Variants in MCCC2 observed in about 807,000 individuals in gnomAD.
The protein encoded by MCCC2 is methylcrotonyl-CoA carboxylase subunit 2, also known as methylcrotonoyl-CoA carboxylase beta chain, mitochondrial.
Under a neutral mutation model 77.2 loss-of-function variants are expected in MCCC2, and 52 were observed. The observed-to-expected ratio is 0.67, with a 90% CI of 0.54 to 0.85. MCCC2 has a LOEUF of 0.85. MCCC2 is among the 40% of genes least tolerant of loss of function. MCCC2 has a pLI of 0.00. For missense variants in MCCC2, 682 were observed against 703.2 expected (o/e 0.97, Z 0.34); for synonymous variants, 253 against 248.4 (o/e 1.02, Z -0.18).
At chr5:71,621,052 C>T (rs759875448) in intron 6 of MCCC2, among the ~76,000 whole-genome samples, 27 of 152,182 alleles carry the variant, frequency 1.8e-4, no homozygotes, top group Non-Finnish European at 3.7e-4. Flanking sequence ...GCCTCTGAGT[C>T]TGGTCAGAAA....
intron 3 of MCCC2, 30 bp from the exon 4 acceptor site, chr5:71,599,629 A>T: frequency 6.4e-7 from 1 of 1,552,398 alleles, no homozygotes; most frequent in Non-Finnish European, 8.9e-7. Flanking sequence ...TAATGACATT[A>T]ATTCAAACAA....
rs1561841267 is a variant in MCCC2, at chr5:71,633,108, TATATATATATA to T, written c.803+924_803+934del. Among the ~76,000 whole-genome samples, 9 of 22,252 alleles carry T rather than the reference TATATATATATA, an allele frequency of 4.0e-4. No individual in the cohort carries two copies. In the East Asian group the frequency reaches 8.0e-3, roughly 20 times the overall value. 14.6% of individuals were successfully genotyped at this position (22,252 alleles called of 152,430 possible). On this transcript the variant is annotated intron_variant, in intron 8 of 16. Coordinates refer to ENST00000340941, the MANE Select transcript of MCCC2 (RefSeq NM_022132.5). The stretch of plus-strand genomic sequence containing the variant: ...TTTCAGTTTTATATATATATATATA[TATATATATATA>T]TATATATATATATTTTTATTTTTTG...
At position 71,634,903 on chromosome 5, in the gene MCCC2, T is replaced by C. The variant is rs769722652; in HGVS notation, c.804-40T>C. 25 of 1,565,374 alleles carry C rather than the reference T, an allele frequency of 1.6e-5. No homozygotes were observed. The African/African-American group carries it at 3.0e-4, about 19-fold the overall frequency. ...GACCTGAGATATTTAATTATTTTCCTTTTCCCTGTTCTGACAAGTTTAGTT... is the reference window on the plus strand; with the variant it reads ...GACCTGAGATATTTAATTATTTTCCCTTTCCCTGTTCTGACAAGTTTAGTT... On this transcript the variant is annotated intron_variant, in intron 8 of 16. Coordinates refer to ENST00000340941, the MANE Select transcript of MCCC2 (RefSeq NM_022132.5).
intron 8 of MCCC2, among the ~76,000 whole-genome samples, chr5:71,634,578 T>C (rs956310354): frequency 6.6e-6 from 1 of 152,206 alleles, no homozygotes; most frequent in Non-Finnish European, 1.5e-5. Context: ...CAATTCTGCT[T>C]ACGGTACAGG....
chr5:71,645,885 G>A (rs1747260298), intron 12 of MCCC2, among the ~76,000 whole-genome samples: 1 of 151,972 alleles, frequency 6.6e-6, no homozygotes. Context: ...CTTTCTATAA[G>A]GTAAGACTAG....
At chr5:71,653,396 A>G (rs1329134948) in intron 16 of MCCC2, among the ~76,000 whole-genome samples, 1 of 149,552 alleles carries the variant, frequency 6.7e-6, no homozygotes, top group Non-Finnish European at 1.5e-5. Flanking sequence ...TTCTTCAACA[A>G]CTTTAGTGTT....
At position 71,656,639 on chromosome 5, in the gene MCCC2, A is replaced by T. The variant is rs567836008; in HGVS notation, c.1575-104A>T. 11 of 859,390 alleles carry T rather than the reference A, an allele frequency of 1.3e-5. No individual in the cohort carries two copies. The South Asian group carries it at 1.5e-4, about 11-fold the overall frequency. 53.2% of individuals were successfully genotyped at this position (859,390 alleles called of 1,614,324 possible). ...TACATGGATGCTAATCAGTAGATCC[A>T]TATATTACCTGAAGGAAAACTTCCT... On this transcript the variant is annotated intron_variant, in intron 16 of 16. Transcript: ENST00000340941.
At chr5:71,596,121 G>A (rs1745176727) in intron 2 of MCCC2, 159 bp from the exon 3 acceptor site, 6 of 670,738 alleles carry the variant, frequency 8.9e-6, no homozygotes, top group Non-Finnish European at 1.6e-5. Context: ...TCAGAAAATT[G>A]GCAACTTGTA....
intron 6 of MCCC2, among the ~76,000 whole-genome samples, chr5:71,617,852 G>A (rs1436195771): frequency 2.0e-5 from 3 of 152,106 alleles, no homozygotes; most frequent in Non-Finnish European, 4.4e-5. Flanking sequence ...ATCGTTTTCT[G>A]TATCTTTGCT....
At chr5:71,592,042 A>C (rs924809132) in intron 1 of MCCC2, among the ~76,000 whole-genome samples, 2 of 152,152 alleles carry the variant, frequency 1.3e-5, no homozygotes, top group African/African-American at 4.8e-5. Flanking sequence ...CTCTGGGATA[A>C]CAGACATAAG....
chr5:71,614,518 T>C (rs1746093207), intron 6 of MCCC2, among the ~76,000 whole-genome samples: 1 of 151,474 alleles, frequency 6.6e-6, no homozygotes, highest in Non-Finnish European at 1.5e-5. Flanking sequence ...GTCCTGCTCT[T>C]GTCCCCAGGC....
At position 71,635,023 on chromosome 5, in the gene MCCC2, A is replaced by G. The variant is rs1368817393; in HGVS notation, c.884A>G (p.Asn295Ser). 2 of 1,614,058 alleles carry G rather than the reference A, an allele frequency of 1.2e-6. No homozygotes were observed. Among genetic ancestry groups the G allele is most frequent in the African/African-American group, 2.7e-5 (2 of 74,936 alleles). ...ACTAGGAAGGTTGTGAGGAATCTAA[A>G]TTATCAGAAGAAATTGGATGTGAGT... ...HLTRKVVRNL[N>S]YQKKLDVTIE... Residue 295 changes from asparagine (N) to serine (S), a missense_variant, in exon 9 of 17, where the codon AAT becomes AGT. Physicochemically the swap from Asn to Ser is conservative, Grantham distance 46. Transcript: ENST00000340941.
intron 3 of MCCC2, among the ~76,000 whole-genome samples, chr5:71,598,606 ATTT>A (rs34190236): frequency 1.6e-4 from 19 of 115,326 alleles, no homozygotes; most frequent in Admixed American, 1.9e-4. Context: ...CGCCTGGCTA[ATTT>A]TTTTTTTTTT....
intron 6 of MCCC2, among the ~76,000 whole-genome samples, chr5:71,611,502 T>G (rs1283598813): frequency 6.6e-6 from 1 of 152,122 alleles, no homozygotes; most frequent in African/African-American, 2.4e-5. Flanking sequence ...AATAATACAG[T>G]TTTTGTCTGT....
At chr5:71,606,971 G>A (rs1459447014) in intron 6 of MCCC2, among the ~76,000 whole-genome samples, 9 of 151,306 alleles carry the variant, frequency 5.9e-5, no homozygotes, top group Middle Eastern at 3.5e-3. Context: ...TGCTGGATGC[G>A]TTTTGCCAGT....
chr5:71,654,557 G>T (rs540361353), intron 16 of MCCC2, among the ~76,000 whole-genome samples: 167 of 149,408 alleles, frequency 1.1e-3, no homozygotes, highest in African/African-American at 3.4e-3. Flanking sequence ...CTTTTCTATA[G>T]TTTTTTTTTT....
chr5:71,634,515 G>C (rs905018049), intron 8 of MCCC2, among the ~76,000 whole-genome samples: 1 of 152,218 alleles, frequency 6.6e-6, no homozygotes, highest in Non-Finnish European at 1.5e-5. Context: ...AGTTTATGCC[G>C]TAACCAACTA....
intron 8 of MCCC2, among the ~76,000 whole-genome samples, chr5:71,634,605 G>A (rs1746852875): frequency 6.6e-6 from 1 of 152,186 alleles, no homozygotes; most frequent in Non-Finnish European, 1.5e-5. Context: ...GTACTTAATA[G>A]AAGCCTTTGT....
At chr5:71,610,309 C>T (rs888355091) in intron 6 of MCCC2, among the ~76,000 whole-genome samples, 41 of 152,298 alleles carry the variant, frequency 2.7e-4, no homozygotes, top group African/African-American at 8.9e-4. Flanking sequence ...GCGCAATATT[C>T]GGGTGGGAGT....
Sources: allele counts gnomAD v4.1 joint callset (sites outside exome capture counted in the v4.1 genomes callset), GRCh38; gene constraint gnomAD v4.1.1; transcripts MANE v1.5; gene names NCBI Gene and HGNC (gene_info 2026-07-23, HGNC 2026-07-21).